Variants in NKAIN3 observed in about 807,000 individuals in gnomAD.
NKAIN3 encodes the protein sodium/potassium transporting ATPase interacting 3.
In NKAIN3, 25 loss-of-function variants were observed where a neutral mutation model predicts 30.2. The ratio of observed to expected loss-of-function variants is 0.83; its 90% confidence interval spans 0.60 to 1.16. NKAIN3 has a LOEUF of 1.16. Among genes scored for constraint, NKAIN3 ranks in the 50% most tolerant of loss-of-function variants. The pLI is 0.00. For synonymous variants in NKAIN3, 91 were observed against 89.6 expected (o/e 1.02, Z -0.09); for missense variants, 225 against 254.1 (o/e 0.89, Z 0.78).
intron 3 of NKAIN3, among the ~76,000 whole-genome samples, chr8:62,616,111 T>C (rs1811445400): frequency 6.6e-6 from 1 of 152,180 alleles, no homozygotes; most frequent in African/African-American, 2.4e-5. Flanking sequence ...TTCACATTTT[T>C]ATTGTTGGGA....
In NKAIN3 at chr8:62,976,206, G is replaced by A. The variant is rs905352012; in HGVS notation, c.*10799G>A. ...CTGTAGATATCTATTAGGTCTGCTT[G>A]GTCAAGAGGTGAGTTCAAGTCCTGA... On this transcript the variant is annotated 3_prime_UTR_variant, in exon 7 of 7. Transcript: ENST00000623646. 1.3e-5 allele frequency among the ~76,000 whole-genome samples: 2 copies of A among 151,744 alleles called. No homozygotes were observed. The highest frequency in any genetic ancestry group is 4.8e-5 in the African/African-American group (2 of 41,270).
chr8:62,902,133 T>C (rs1328454935), intron 4 of NKAIN3, among the ~76,000 whole-genome samples: 1 of 152,144 alleles, frequency 6.6e-6, no homozygotes, highest in Non-Finnish European at 1.5e-5. Context: ...GCATACAACC[T>C]GGAGATGAAC....
intron 1 of NKAIN3, among the ~76,000 whole-genome samples, chr8:62,551,189 AT>A (rs553892276): frequency 6.6e-6 from 1 of 152,060 alleles, no homozygotes; most frequent in Non-Finnish European, 1.5e-5. Flanking sequence ...AGCTACATTA[AT>A]TTTTTTTAAT....
At position 62,551,189 on chromosome 8, in the gene NKAIN3, A is replaced by AT. The variant is rs553892276; in HGVS notation, c.55-28342dup. On this transcript the variant is annotated intron_variant, in intron 1 of 6. Coordinates refer to ENST00000623646, the MANE Select transcript of NKAIN3 (RefSeq NM_001304533.3). ...GAATACAATTTCTATAGCTACATTA[A>AT]TTTTTTTTAATGGTGCTTCTCCTAA... Among the ~76,000 whole-genome samples, 631 of 152,176 alleles carry AT rather than the reference A, an allele frequency of 4.1e-3. 3 individuals carry two copies. Among genetic ancestry groups the AT allele is most frequent in the African/African-American group, 0.014 (590 of 41,544 alleles).
intron 1 of NKAIN3, among the ~76,000 whole-genome samples, chr8:62,548,254 GA>G (rs1321136741): frequency 6.6e-6 from 1 of 152,138 alleles, no homozygotes. Flanking sequence ...TAAATGAACT[GA>G]AAATATATTC....
chr8:62,952,673 A>G (rs1244394037), intron 5 of NKAIN3, among the ~76,000 whole-genome samples: 1 of 152,234 alleles, frequency 6.6e-6, no homozygotes, highest in East Asian at 1.9e-4. Context: ...TGATTATTCA[A>G]CAAACCAAAG....
chr8:62,385,130 A>G (rs1015071860), intron 1 of NKAIN3, among the ~76,000 whole-genome samples: 5 of 152,264 alleles, frequency 3.3e-5, no homozygotes, highest in Admixed American at 2.6e-4. Context: ...GAGTCCCCCC[A>G]GTTTCCCAGA....
chr8:62,323,294 A>C (rs1387191653), intron 1 of NKAIN3, among the ~76,000 whole-genome samples: 1 of 152,190 alleles, frequency 6.6e-6, no homozygotes, highest in East Asian at 1.9e-4. Context: ...TCCTTTACAG[A>C]GATACTCTCT....
At chr8:62,277,441 C>A (rs1812999037) in intron 1 of NKAIN3, among the ~76,000 whole-genome samples, 1 of 152,092 alleles carries the variant, frequency 6.6e-6, no homozygotes, top group Non-Finnish European at 1.5e-5. Flanking sequence ...CACTCCTAAT[C>A]CCTCTGAATT....
At chr8:62,729,650 A>G (rs1016470794) in intron 3 of NKAIN3, among the ~76,000 whole-genome samples, 3 of 152,096 alleles carry the variant, frequency 2.0e-5, no homozygotes, top group Non-Finnish European at 4.4e-5. Context: ...ACTTTGTATA[A>G]CTGAAGTAAC....
At position 62,415,966 on chromosome 8, in the gene NKAIN3, C is replaced by A. The variant is rs898136940; in HGVS notation, c.55-163573C>A. On this transcript the variant is annotated intron_variant, in intron 1 of 6. Coordinates refer to ENST00000623646, the MANE Select transcript of NKAIN3 (RefSeq NM_001304533.3). ...TAGAGATGGGGTTTCACCGTGTTAGCCAGATGGTCTTGATCTCCTGACCTC... is the reference window on the plus strand; with the variant it reads ...TAGAGATGGGGTTTCACCGTGTTAGACAGATGGTCTTGATCTCCTGACCTC... Among the ~76,000 whole-genome samples the A allele has an allele frequency of 2.2e-4, 34 of 152,036 alleles. 1 individual carries two copies.
rs1053162455 is a variant in NKAIN3 at position 62,432,000 on chromosome 8, A to T, written c.55-147539A>T. ...GAATCATTCTTAGCAAAAGAAATAA[A>T]ATACACAATAGGAAATTAATGGAGA... On this transcript the variant is annotated intron_variant, in intron 1 of 6. Transcript: ENST00000623646. 1.1e-4 allele frequency among the ~76,000 whole-genome samples: 17 copies of T among 151,886 alleles called. No individual in the cohort carries two copies. The East Asian group carries it at 3.3e-3, about 29-fold the overall frequency.
At chr8:62,945,467 C>A (rs528650329) in intron 5 of NKAIN3, among the ~76,000 whole-genome samples, 1 of 152,280 alleles carries the variant, frequency 6.6e-6, no homozygotes, top group South Asian at 2.1e-4. Flanking sequence ...TGTTTGGTGA[C>A]CCGCAGGCTT....
In NKAIN3 at chr8:62,971,862, G is replaced by T. The variant is rs991078396; in HGVS notation, c.*6455G>T. ...GAAATGAGAATTTCTGCCTCATCTT[G>T]TTTCCTTATCTTGTCTTTGTGGTTA... On this transcript the variant is annotated 3_prime_UTR_variant, in exon 7 of 7. Coordinates refer to ENST00000623646, the MANE Select transcript of NKAIN3 (RefSeq NM_001304533.3). 6.6e-6 allele frequency among the ~76,000 whole-genome samples: 1 copy of T among 152,120 alleles called. No homozygotes were observed. Among genetic ancestry groups the T allele is most frequent in the African/African-American group, 2.4e-5 (1 of 41,436 alleles).
chr8:62,460,940 C>T (rs764535259), intron 1 of NKAIN3, among the ~76,000 whole-genome samples: 15 of 152,084 alleles, frequency 9.9e-5, no homozygotes, highest in Non-Finnish European at 1.5e-4. Flanking sequence ...ATGAATTGTC[C>T]GTAGGAGCTT....
chr8:62,944,977 A>G (rs1306809106), intron 5 of NKAIN3, among the ~76,000 whole-genome samples: 1 of 152,202 alleles, frequency 6.6e-6, no homozygotes, highest in South Asian at 2.1e-4. Context: ...GAAATTTGCT[A>G]TAACAATGTC....
intron 3 of NKAIN3, among the ~76,000 whole-genome samples, chr8:62,690,505 A>G (rs1422586699): frequency 6.6e-6 from 1 of 152,226 alleles, no homozygotes; most frequent in African/African-American, 2.4e-5. Flanking sequence ...CAATCTGGGA[A>G]GTTTTCCAAA....
intron 1 of NKAIN3, among the ~76,000 whole-genome samples, chr8:62,519,073 T>C (rs1237200161): frequency 6.6e-6 from 1 of 152,184 alleles, no homozygotes; most frequent in Non-Finnish European, 1.5e-5. Context: ...ACCAAATTTA[T>C]ACATAGTAAA....
At chr8:62,430,560 G>C (rs976254846) in intron 1 of NKAIN3, among the ~76,000 whole-genome samples, 8 of 151,692 alleles carry the variant, frequency 5.3e-5, no homozygotes, top group African/African-American at 1.9e-4. Flanking sequence ...CTCACCAGTA[G>C]TGCATAAGGG....
Sources: allele counts gnomAD v4.1 joint callset (sites outside exome capture counted in the v4.1 genomes callset), GRCh38; gene constraint gnomAD v4.1.1; transcripts MANE v1.5; gene names NCBI Gene and HGNC (gene_info 2026-07-23, HGNC 2026-07-21).